The following PRSS35 variants were observed in gnomAD, a reference collection of about 807,000 sequenced individuals.
PRSS35 encodes serine protease 35.
PRSS35 carries 7 observed loss-of-function variants against 8.1 expected under a neutral mutation model. That is an observed-to-expected ratio of 0.86 (90% CI 0.49 to 1.62). The LOEUF (loss-of-function observed/expected upper bound fraction) is 1.62, where lower values mean the gene tolerates loss of function less well. Ranked by LOEUF, PRSS35 falls within the 40% of genes most tolerant of loss-of-function variation. PRSS35 has a pLI of 0.00. For synonymous variants in PRSS35, 199 were observed against 188.7 expected (o/e 1.05, Z -0.45); for missense variants, 566 against 518.0 (o/e 1.09, Z -0.90).
chr6:83,523,146 T>A (rs879258304), intron 1 of PRSS35, among the ~76,000 whole-genome samples: 1 of 152,080 alleles, frequency 6.6e-6, no homozygotes, highest in Non-Finnish European at 1.5e-5. Flanking sequence ...ACGAGGCTAT[T>A]AGGGGAGATA....
chr6:83,514,373 G>A (rs1275958762), intron 1 of PRSS35, among the ~76,000 whole-genome samples: 2 of 152,076 alleles, frequency 1.3e-5, no homozygotes, highest in Admixed American at 1.3e-4. Context: ...CCAAACAAAG[G>A]GAGGTTTTGT....
Position 83,524,013 on chromosome 6 carries a change from TGAG to T in PRSS35, c.575_577del (p.Arg192del). ...AAGCTAAGGGTAGGGTTGTTGAAGA[TGAG>T]GAATAAAAGTGGAGGCAAGAAACGT... On this transcript the variant is annotated inframe_deletion, in exon 2 of 2. Transcript: ENST00000369700. 1 of 1,613,808 alleles carries T rather than the reference TGAG, an allele frequency of 6.2e-7. No homozygotes were observed. The highest frequency in any genetic ancestry group is 8.5e-7 in the Non-Finnish European group (1 of 1,179,964).
intron 1 of PRSS35, among the ~76,000 whole-genome samples, chr6:83,521,568 G>T (rs938939248): frequency 2.7e-5 from 4 of 148,002 alleles, no homozygotes; most frequent in African/African-American, 1.0e-4. Flanking sequence ...GGAGTTCAGT[G>T]CCATGATCAT....
chr6:83,518,186 T>G (rs1771757191), intron 1 of PRSS35, among the ~76,000 whole-genome samples: 2 of 152,210 alleles, frequency 1.3e-5, no homozygotes, highest in Non-Finnish European at 2.9e-5. Flanking sequence ...GTTTGTCTGC[T>G]CTATCTAAGC....
Position 83,524,266 on chromosome 6 carries a change from T to C in PRSS35, c.825T>C (p.Tyr275=), listed in dbSNP as rs146852080. Residue 275 remains tyrosine (Y), a synonymous_variant, in exon 2 of 2, where the codon TAT becomes TAC. Transcript: ENST00000369700. ...GCATGGGGGACGCTACCTTGGACTA[T>C]GACTATGCTCTTCTGGAGCTGAAGC... ...RGGMGDATLD[Y]DYALLELKRA... is the part of the protein sequence containing the mutation. 10,191 of 1,614,134 alleles carry C rather than the reference T, an allele frequency of 6.3e-3. 48 individuals carry two copies. The highest frequency in any genetic ancestry group is 7.7e-3 in the Non-Finnish European group (9,059 of 1,180,024).
chr6:83,515,804 C>CCTA (rs1313149778), intron 1 of PRSS35, among the ~76,000 whole-genome samples: 2 of 148,052 alleles, frequency 1.4e-5, no homozygotes, highest in African/African-American at 5.0e-5. Context: ...TTAATCACTC[C>CCTA]CTACTACTAC....
At position 83,521,596 on chromosome 6, in the gene PRSS35, A is replaced by T. The variant is rs550733920; in HGVS notation, c.-20-1826A>T. Among the ~76,000 whole-genome samples, 23 of 149,842 alleles carry T rather than the reference A, an allele frequency of 1.5e-4. 1 individual carries two copies. Among genetic ancestry groups the T allele is most frequent in the Middle Eastern group, 3.5e-3 (1 of 286 alleles). ...ATGATCATGGTTTACTGCAGCCTTG[A>T]CCTCCTGGGTTCAAGCGATCCTGCT... On this transcript the variant is annotated intron_variant, in intron 1 of 1. Transcript: ENST00000369700.
At chr6:83,519,209 G>A (rs1771776258) in intron 1 of PRSS35, among the ~76,000 whole-genome samples, 1 of 152,146 alleles carries the variant, frequency 6.6e-6, no homozygotes, top group South Asian at 2.1e-4. Flanking sequence ...TACATACACA[G>A]ATATTCTTAC....
rs149174718 is a variant in PRSS35, at chr6:83,514,911, A to G, written c.-21+2217A>G. On this transcript the variant is annotated intron_variant, in intron 1 of 1. Transcript: ENST00000369700. ...TAAATTTCATATGTCTCCCTATGTCACAGCCATTTAGTATATTATTAGCCA... is the reference window on the plus strand; with the variant it reads ...TAAATTTCATATGTCTCCCTATGTCGCAGCCATTTAGTATATTATTAGCCA... Among the ~76,000 whole-genome samples the G allele has an allele frequency of 2.5e-3, 386 of 152,320 alleles. 3 individuals are homozygous for G. Among genetic ancestry groups the G allele is most frequent in the African/African-American group, 8.9e-3 (370 of 41,576 alleles).
Position 83,523,388 on chromosome 6 carries a change from A to T in PRSS35, c.-20-34A>T. The T allele has an allele frequency of 4.1e-6, 6 of 1,473,768 alleles. No individual in the cohort carries two copies. The South Asian group carries it at 7.8e-5, about 19-fold the overall frequency. 91.3% of individuals were successfully genotyped at this position (1,473,768 alleles called of 1,614,324 possible). A position where few individuals can be genotyped will look rare whatever the true frequency, so the allele number is the denominator to read the frequency against. ...TGGATAAGTAAGATTTAAAAAGGAA[A>T]CATTATAAACCTCTCTCTTTTTCTA... is the stretch of plus-strand genomic sequence containing the variant. On this transcript the variant is annotated intron_variant, in intron 1 of 1. Transcript: ENST00000369700.
chr6:83,521,511 C>T (rs1221159754), intron 1 of PRSS35, among the ~76,000 whole-genome samples: 2 of 147,960 alleles, frequency 1.4e-5, no homozygotes, highest in Non-Finnish European at 3.0e-5. Flanking sequence ...CCCTCACCTC[C>T]CCCCCTCCTC....
Position 83,523,771 on chromosome 6 carries a change from T to C in PRSS35, c.330T>C (p.Asn110=). 1.2e-6 allele frequency: 2 copies of C among 1,614,178 alleles called. No individual in the cohort carries two copies. Among genetic ancestry groups the C allele is most frequent in the Non-Finnish European group, 1.7e-6 (2 of 1,180,044 alleles). Residue 110 remains asparagine (N), a synonymous_variant, in exon 2 of 2, where the codon AAT becomes AAC. Transcript: ENST00000369700. ...ATTTGGTTCTTGAGCCGACTCAAAA[T>C]ATCACCACAAAGGGAGTATCTGTTA... ...VQDLVLEPTQ[N]ITTKGVSVRR... is the part of the protein sequence containing the mutation.
chr6:83,525,387 A>C lies in PRSS35; in HGVS notation c.*704A>C, dbSNP rs181143528. On this transcript the variant is annotated 3_prime_UTR_variant, in exon 2 of 2. Transcript: ENST00000369700. ...AATAAACCTAGTTTAGAAATAGGGA[A>C]GCTGAGACATTTTAAGATCTCAAGT... 15 of 167,214 alleles carry C rather than the reference A, an allele frequency of 9.0e-5. No homozygotes were observed. Among genetic ancestry groups the C allele is most frequent in the Non-Finnish European group, 1.8e-4 (12 of 68,126 alleles). 10.4% of individuals were successfully genotyped at this position (167,214 alleles called of 1,614,324 possible). A position where few individuals can be genotyped will look rare whatever the true frequency, so the allele number is the denominator to read the frequency against.
rs1771881542 is a variant in PRSS35 at position 83,524,153 on chromosome 6, CG to C, written c.716del (p.Gly239ValfsTer44). 2 of 1,613,986 alleles carry C rather than the reference CG, an allele frequency of 1.2e-6. No homozygotes were observed. The highest frequency in any genetic ancestry group is 1.7e-6 in the Non-Finnish European group (2 of 1,179,992). ...TGGGAGAAGAAGAAAAAAATCTGGC[CG>C]GGGTCAGAGGATTGCCGAAGGGAGG... is the stretch of plus-strand genomic sequence containing the variant. ...KGGRRRKKSG[R>X]GQRIAEGRPS... On this transcript the variant is annotated frameshift_variant, in exon 2 of 2. Coordinates refer to ENST00000369700, the MANE Select transcript of PRSS35 (RefSeq NM_153362.3). LOFTEE classifies it low-confidence loss of function (END_TRUNC).
chr6:83,513,682 T>A (rs1771664047), intron 1 of PRSS35, among the ~76,000 whole-genome samples: 1 of 152,200 alleles, frequency 6.6e-6, no homozygotes, highest in Non-Finnish European at 1.5e-5. Flanking sequence ...TTAGAGGAGT[T>A]CCTTTAGTGA....
At position 83,518,531 on chromosome 6, in the gene PRSS35, ATATT is replaced by A. The variant is rs1210296992; in HGVS notation, c.-20-4890_-20-4887del. Among the ~76,000 whole-genome samples the A allele has an allele frequency of 3.3e-5, 5 of 152,300 alleles. No homozygotes were observed. The East Asian group carries it at 9.7e-4, about 29-fold the overall frequency. ...AGAAAAATATATTACAGAGCCATGG[ATATT>A]CATAGAAATGAGTAATTAGGAAAGC... On this transcript the variant is annotated intron_variant, in intron 1 of 1. Transcript: ENST00000369700.
rs1390663963 is a variant in PRSS35, at chr6:83,524,498, C to T, written c.1057C>T (p.Arg353Cys). 3 of 1,614,134 alleles carry T rather than the reference C, an allele frequency of 1.9e-6. No individual in the cohort carries two copies. The highest frequency in any genetic ancestry group is 2.5e-6 in the Non-Finnish European group (3 of 1,180,024). Reference protein sequence around the residue: ...SGSTGSGVYLRLKDPDKKNWK... With the variant: ...SGSTGSGVYLCLKDPDKKNWK... ...CTCCACCGGTTCGGGGGTCTATCTG[C>T]GTCTGAAAGATCCAGACAAAAAGAA... Residue 353 changes from arginine to cysteine, a missense_variant, in exon 2 of 2, where the codon CGT (arginine) becomes TGT (cysteine). By Grantham distance (180) the Arg-to-Cys change is radical (BLOSUM62 -3). Coordinates refer to ENST00000369700, the MANE Select transcript of PRSS35 (RefSeq NM_153362.3).
rs899323825 is a variant in PRSS35 at position 83,512,534 on chromosome 6, G to T, written c.-181G>T. The T allele has an allele frequency of 4.8e-5, 7 of 146,238 alleles. 1 individual carries two copies. Among genetic ancestry groups the T allele is most frequent in the East Asian group, 2.2e-4 (1 of 4,638 alleles). 9.1% of individuals were successfully genotyped at this position (146,238 alleles called of 1,614,324 possible). A position where few individuals can be genotyped will look rare whatever the true frequency, so the allele number is the denominator to read the frequency against. On this transcript the variant is annotated 5_prime_UTR_variant, in exon 1 of 2. Transcript: ENST00000369700. Reference sequence around the variant, plus strand: ...GTGCGGCGCAGCTCTCTCCCCCTCCGCAGTCTCAGTGGCGAGCTCTGGGTG... The same window carrying T: ...GTGCGGCGCAGCTCTCTCCCCCTCCTCAGTCTCAGTGGCGAGCTCTGGGTG...
intron 1 of PRSS35, among the ~76,000 whole-genome samples, chr6:83,517,655 C>G (rs911058489): frequency 6.6e-6 from 1 of 152,160 alleles, no homozygotes; most frequent in Non-Finnish European, 1.5e-5. Context: ...GTGTGTCAAT[C>G]CTGAGTAGGT....
Sources: gnomAD v4.1 joint callset for allele counts (sites outside exome capture counted in the v4.1 genomes callset) on GRCh38, gnomAD v4.1.1 for gene constraint, MANE v1.5 for transcripts, NCBI Gene and HGNC (gene_info 2026-07-23, HGNC 2026-07-21) for gene names.